The following PAM16 variants were observed in gnomAD, a reference collection of about 807,000 sequenced individuals.
PAM16 encodes mitochondrial import inner membrane translocase subunit TIM16.
PAM16 carries 11 observed loss-of-function variants against 17.9 expected under a neutral mutation model. That is an observed-to-expected ratio of 0.62 (90% CI 0.39 to 1.02). PAM16 has a LOEUF of 1.02. Among genes scored for constraint, PAM16 ranks in the 50% least tolerant of loss-of-function variants. The pLI, the probability that PAM16 is intolerant of heterozygous loss-of-function variation, is 0.01. For synonymous variants in PAM16, 72 were observed against 67.4 expected, an observed-to-expected ratio of 1.07 and a Z score of -0.34; for missense variants, 199 against 165.4, an observed-to-expected ratio of 1.20 and a Z score of -1.11.
chr16:4,348,953 CTTTTTTTTT>C lies in PAM16; in HGVS notation c.3+2270_3+2278del, dbSNP rs1219395068. Among the ~76,000 whole-genome samples the C allele has an allele frequency of 2.1e-3, 235 of 114,244 alleles. 1 individual carries two copies. The highest frequency in any genetic ancestry group is 7.0e-3 in the South Asian group (24 of 3,408). The allele number at this position is 114,244 out of a possible 152,430, so 74.9% of individuals were successfully genotyped here. On this transcript the variant is annotated intron_variant, in intron 1 of 4. Transcript: ENST00000318059. ...GCCACCGTACCCGGCCTAGCACTTT[CTTTTTTTTT>C]TTTTTTTTTTGAGACGGAGTCTTGC...
intron 1 of PAM16, among the ~76,000 whole-genome samples, chr16:4,349,899 A>C (rs903723714): frequency 8.5e-5 from 13 of 152,186 alleles, no homozygotes; most frequent in African/African-American, 3.1e-4. Context: ...CTGTAAAATA[A>C]GGACAATGAC....
chr16:4,346,501 T>C (rs143252914), intron 1 of PAM16, among the ~76,000 whole-genome samples: 46 of 152,290 alleles, frequency 3.0e-4, no homozygotes, highest in African/African-American at 1.0e-3. Flanking sequence ...TCTTTCAAAA[T>C]AGCAGCTCAT....
Position 4,341,484 on chromosome 16 carries a change from C to T in PAM16, c.109G>A (p.Ala37Thr). 6.2e-7 allele frequency: 1 copy of T among 1,610,048 alleles called. No homozygotes were observed. The highest frequency in any genetic ancestry group is 1.3e-5 in the African/African-American group (1 of 75,024). The part of the protein sequence containing the change: ...EFAASRAAAD[A>T]RGRAGHRSAA... ...GACCGGTGTCCAGCGCGTCCTCGGG[C>T]ATCAGCTGCGGCCCGGCTGGCTGTG... Residue 37 changes from alanine to threonine, a missense_variant, in exon 3 of 5, where the codon GCC (alanine) becomes ACC (threonine). Coordinates refer to ENST00000318059, the MANE Select transcript of PAM16 (RefSeq NM_016069.11).
intron 2 of PAM16, 130 bp downstream of exon 2, chr16:4,343,077 C>G: frequency 8.2e-7 from 1 of 1,226,522 alleles, no homozygotes; most frequent in African/African-American, 1.5e-5. Context: ...CTGGCATCAC[C>G]CCCCACCATG....
rs1460816751 is a variant in PAM16, at chr16:4,341,385, G to T, written c.208C>A (p.Pro70Thr). 1 of 1,585,000 alleles carries T rather than the reference G, an allele frequency of 6.3e-7. No homozygotes were observed. The highest frequency in any genetic ancestry group is 1.8e-5 in the Admixed American group (1 of 55,550). ...GGCCTCACCTTCTGGACCTCCTCAG[G>T]GCTCAGCTTGGACACGTTGAGAATC... The part of the protein sequence containing the change: ...QQILNVSKLS[P>T]EEVQKNYEHL... The change falls in exon 3 of 5, where the codon CCT (proline) becomes ACT (threonine). Residue 70 changes from proline (P) to threonine (T), a missense_variant. Physicochemically the swap from Pro to Thr is conservative, Grantham distance 38 (BLOSUM62 -1). Transcript: ENST00000318059.
At chr16:4,349,820 G>C (rs998838688) in intron 1 of PAM16, among the ~76,000 whole-genome samples, 9 of 152,118 alleles carry the variant, frequency 5.9e-5, no homozygotes, top group Non-Finnish European at 1.3e-4. Flanking sequence ...GGGCTCAAAA[G>C]AGGTCTCTGA....
chr16:4,343,111 C>T, intron 2 of PAM16, 96 bp downstream of exon 2: 4 of 1,550,962 alleles, frequency 2.6e-6, no homozygotes, highest in Admixed American at 1.7e-5. Flanking sequence ...GCCACGCACA[C>T]TTCAGAACCG....
intron 1 of PAM16, chr16:4,350,841 C>G (rs1394732392): frequency 5.5e-6 from 1 of 183,008 alleles, no homozygotes; most frequent in African/African-American, 2.4e-5. Flanking sequence ...TCAGCCACTT[C>G]CCTGGAAAGG....
intron 1 of PAM16, chr16:4,345,401 GCTAT>G (rs2053741241): frequency 6.6e-6 from 1 of 152,152 alleles, no homozygotes; most frequent in South Asian, 2.1e-4. Context: ...CAAGGCTGGT[GCTAT>G]CTGTCACAGC....
chr16:4,350,941 G>A (rs774840524), intron 1 of PAM16: 66 of 290,572 alleles, frequency 2.3e-4, no homozygotes, highest in African/African-American at 1.3e-3. Flanking sequence ...TCACCAGCCA[G>A]ACTCATGCTC....
At chr16:4,349,829 G>A (rs543269997) in intron 1 of PAM16, among the ~76,000 whole-genome samples, 12 of 152,228 alleles carry the variant, frequency 7.9e-5, no homozygotes, top group African/African-American at 2.9e-4. Flanking sequence ...AGAGGTCTCT[G>A]ACACCATGGG....
intron 2 of PAM16, among the ~76,000 whole-genome samples, chr16:4,342,164 A>G (rs1286744322): frequency 6.6e-6 from 1 of 152,118 alleles, no homozygotes; most frequent in Non-Finnish European, 1.5e-5. Flanking sequence ...TCCTGGCCAA[A>G]ATGATGAAAA....
At chr16:4,349,608 A>G in intron 1 of PAM16, among the ~76,000 whole-genome samples, 1 of 151,984 alleles carries the variant, frequency 6.6e-6, no homozygotes, top group Non-Finnish European at 1.5e-5. Flanking sequence ...CTCTACATAA[A>G]ATTTAAAAAT....
At chr16:4,343,063 CG>C (rs1424787000) in intron 2 of PAM16, 143 bp downstream of exon 2, 1 of 1,066,488 alleles carries the variant, frequency 9.4e-7, no homozygotes, top group African/African-American at 1.6e-5. Context: ...AAGAATGCCC[CG>C]GTCTGGCATC....
At chr16:4,351,120 G>A (rs2053850814) in intron 1 of PAM16, 112 bp downstream of exon 1, 1 of 506,016 alleles carries the variant, frequency 2.0e-6, no homozygotes, top group Non-Finnish European at 3.0e-6. Context: ...TTCCCGCCGG[G>A]CACGCAGGGG....
chr16:4,341,004 G>C lies in PAM16; in HGVS notation c.226-19C>G. 1 of 1,613,298 alleles carries C rather than the reference G, an allele frequency of 6.2e-7. No individual in the cohort carries two copies. The highest frequency in any genetic ancestry group is 8.5e-7 in the Non-Finnish European group (1 of 1,179,938). ...CATAGTTCTGCAGAGGAGAGGGGAC[G>C]GGTGAGAGGGCTGCAGACTGCAGGC... On this transcript the variant is annotated intron_variant, in intron 3 of 4. Transcript: ENST00000318059.
intron 3 of PAM16, 86 bp from the exon 4 acceptor site, chr16:4,341,071 CAACAGGACT>C (rs1448182625): frequency 2.0e-5 from 31 of 1,512,230 alleles, no homozygotes; most frequent in Non-Finnish European, 2.7e-5. Flanking sequence ...GTGAGAGAGG[CAACAGGACT>C]CCTCTCCACC....
intron 3 of PAM16, 27 bp from the exon 4 acceptor site, chr16:4,341,012 G>A: frequency 1.2e-6 from 2 of 1,612,648 alleles, no homozygotes; most frequent in Admixed American, 1.7e-5. Context: ...ACGGGTGAGA[G>A]GGCTGCAGAC....
At chr16:4,343,987 T>C in intron 1 of PAM16, 1 of 398,060 alleles carries the variant, frequency 2.5e-6, no homozygotes, top group East Asian at 3.6e-5. Context: ...AGCACAAAGC[T>C]ACACAGAACC....
Sources: gnomAD v4.1 joint callset for allele counts (sites outside exome capture counted in the v4.1 genomes callset) on GRCh38, gnomAD v4.1.1 for gene constraint, MANE v1.5 for transcripts, NCBI Gene and HGNC (gene_info 2026-07-23, HGNC 2026-07-21) for gene names.